TNXB: variants seen among roughly 807,000 people sequenced by gnomAD.
TNXB encodes tenascin XB.
Under a neutral mutation model 340.5 loss-of-function variants are expected in TNXB, and 183 were observed. The observed-to-expected ratio is 0.54, with a 90% CI of 0.48 to 0.61. The LOEUF (loss-of-function observed/expected upper bound fraction) is 0.61, where lower values mean the gene tolerates loss of function less well. Ranked by LOEUF, TNXB falls within the 20% of genes least tolerant of loss-of-function variation. TNXB has a pLI of 0.00. For missense variants in TNXB, 4,613 were observed against 5,446.4 expected (o/e 0.85, Z 4.82); for synonymous variants, 2,121 against 2,314.5 (o/e 0.92, Z 2.40).
rs758269182 is a variant in TNXB at position 32,097,211 on chromosome 6, G to A, written c.642C>T (p.Gly214=). The stretch of plus-strand genomic sequence containing the variant: ...GGCAGTCCCCGGGACAGGATGGCCA[G>A]CCACAGCTGGGGCCAGTGTAGCCGG... ...CFPGYTGPSC[G]WPSCPGDCQG... is the part of the protein sequence containing the mutation. Residue 214 remains glycine, a synonymous_variant, in exon 3 of 44, where the codon GGC becomes GGT. Transcript: ENST00000644971. This position sits in a 1 kb window ranked among gnomAD's most constrained non-coding sequence, Gnocchi z 5.9. The A allele has an allele frequency of 6.3e-7, 1 of 1,598,062 alleles. No homozygotes were observed. The highest frequency in any genetic ancestry group is 8.5e-7 in the Non-Finnish European group (1 of 1,173,038).
At chr6:32,045,811 G>T (rs1441286650) in intron 31 of TNXB, 9 of 1,082,742 alleles carry the variant, frequency 8.3e-6, no homozygotes, top group Non-Finnish European at 9.0e-6. Context: ...TTCCTCTTAA[G>T]AAAATGCTCC....
At chr6:32,053,079 A>G (rs1777396612) in intron 25 of TNXB, 86 bp from the exon 26 acceptor site, 2 of 1,431,652 alleles carry the variant, frequency 1.4e-6, no homozygotes, top group African/African-American at 2.8e-5. Context: ...AGCTGTGGCC[A>G]TGAGTGGGGG....
At chr6:32,063,413 A>G (rs1778150258) in intron 19 of TNXB, among the ~76,000 whole-genome samples, 1 of 152,080 alleles carries the variant, frequency 6.6e-6, no homozygotes, top group African/African-American at 2.4e-5. Flanking sequence ...AGAAAAAAAA[A>G]AAAAAGAAAA....
chr6:32,098,698 T>A (rs1780558715), intron 1 of TNXB, among the ~76,000 whole-genome samples: 1 of 152,206 alleles, frequency 6.6e-6, no homozygotes, highest in Non-Finnish European at 1.5e-5. Flanking sequence ...CAGGCTGGTC[T>A]CAGACTCCTA....
chr6:32,079,190 G>C lies in TNXB; in HGVS notation c.4218C>G (p.Tyr1406Ter). The change falls in exon 11 of 44, where the codon TAC becomes TAG. Residue 1406 changes from tyrosine (Y) to a stop codon, truncating the protein, a stop_gained. Transcript: ENST00000644971. LOFTEE classifies it high-confidence loss of function. This position sits in a 1 kb window ranked among gnomAD's most constrained non-coding sequence, Gnocchi z 7.1. ...CCCGGGGCCGCCCATCCCTGTCCTT[G>C]TACTGCACGGTGAAAGAGTCGAAGC... is the stretch of plus-strand genomic sequence containing the variant. ...QGSFDSFTVQ[Y>*]KDRDGRPRAV... is the part of the protein sequence containing the mutation. 1 of 1,613,888 alleles carries C rather than the reference G, an allele frequency of 6.2e-7. No homozygotes were observed. The highest frequency in any genetic ancestry group is 8.5e-7 in the Non-Finnish European group (1 of 1,179,888).
At position 32,052,604 on chromosome 6, in the gene TNXB, G is replaced by T; in HGVS notation, c.9115+66C>A. On this transcript the variant is annotated intron_variant, in intron 26 of 43. Coordinates refer to ENST00000644971, the MANE Select transcript of TNXB (RefSeq NM_001365276.2). The surrounding 1 kb of genome is among the most constrained non-coding windows in gnomAD (Gnocchi z 4.7). ...ACTCTTCAGAGTATGTTTTCACGAA[G>T]ACTGGAGAGACAGCAGTGTCTTCCA... 1 of 1,572,030 alleles carries T rather than the reference G, an allele frequency of 6.4e-7. No homozygotes were observed.
In TNXB at chr6:32,050,235, C is replaced by T. The variant is rs777978006; in HGVS notation, c.9202G>A (p.Val3068Met). The T allele has an allele frequency of 5.3e-5, 85 of 1,613,568 alleles. No homozygotes were observed. Among genetic ancestry groups the T allele is most frequent in the Middle Eastern group, 1.6e-4 (1 of 6,082 alleles). Residue 3068 changes from valine (V) to methionine (M), a missense_variant, in exon 27 of 44, where the codon GTG becomes ATG. Physicochemically the swap from Val to Met is conservative, Grantham distance 21. Transcript: ENST00000644971. ...PIKPRLGELT[V>M]TDATPDSLSL... ...AGGGAGTCGGGGGTGGCATCTGTCACGGTCAGCTCCCCCAGGCGAGGCTTG... is the reference window on the plus strand; with the variant it reads ...AGGGAGTCGGGGGTGGCATCTGTCATGGTCAGCTCCCCCAGGCGAGGCTTG...
rs1778678254 is a variant in TNXB at position 32,070,177 on chromosome 6, C to T, written c.5228G>A (p.Gly1743Asp). ...AGRKYRFLLY[G>D]LLGKKRHGPL... ...GCCATGGCGCTTCTTGCCCAGGAGG[C>T]CATAGAGGAGGAATCTGTACTTGCG... is the stretch of plus-strand genomic sequence containing the variant. Residue 1743 changes from glycine (G) to aspartate (D), a missense_variant, in exon 14 of 44, where the codon GGC (glycine) becomes GAC (aspartate). Transcript: ENST00000644971. This position sits in a 1 kb window ranked among gnomAD's most constrained non-coding sequence, Gnocchi z 6.0. 6.2e-7 allele frequency: 1 copy of T among 1,607,414 alleles called. No individual in the cohort carries two copies. The highest frequency in any genetic ancestry group is 1.3e-5 in the African/African-American group (1 of 74,850).
rs1779671759 is a variant in TNXB, at chr6:32,084,684, C to T, written c.3174G>A (p.Lys1058=). ...IMDKDEEKPG[K]SSGPPRLGEL... Reference sequence around the variant, plus strand: ...CACCCAGGCGTGGTGGGCCTGAGGACTTCCCAGGCTTCTCCTCATCCTTGT... The same window carrying T: ...CACCCAGGCGTGGTGGGCCTGAGGATTTCCCAGGCTTCTCCTCATCCTTGT... Residue 1058 remains lysine, a synonymous_variant, in exon 8 of 44, where the codon AAG becomes AAA. Transcript: ENST00000644971. This position sits in a 1 kb window ranked among gnomAD's most constrained non-coding sequence, Gnocchi z 5.5. 1.9e-6 allele frequency: 3 copies of T among 1,579,728 alleles called. No individual in the cohort carries two copies. Among genetic ancestry groups the T allele is most frequent in the Non-Finnish European group, 1.7e-6 (2 of 1,158,982 alleles).
chr6:32,046,595 G>T lies in TNXB; in HGVS notation c.10325-139C>A. 1 of 669,622 alleles carries T rather than the reference G, an allele frequency of 1.5e-6. No individual in the cohort carries two copies. The highest frequency in any genetic ancestry group is 2.3e-6 in the Non-Finnish European group (1 of 425,826). The allele number at this position is 669,622 out of a possible 1,614,324, so 41.5% of individuals were successfully genotyped here. A position where few individuals can be genotyped will look rare whatever the true frequency, so the allele number is the denominator to read the frequency against. On this transcript the variant is annotated intron_variant, in intron 30 of 43. Coordinates refer to ENST00000644971, the MANE Select transcript of TNXB (RefSeq NM_001365276.2). This position sits in a 1 kb window ranked among gnomAD's most constrained non-coding sequence, Gnocchi z 6.9. ...GACAGCTCCTTGAGGAGACACACAG[G>T]CCTGCTCCCGCCATGCCCCACAGGA...
At position 32,043,477 on chromosome 6, in the gene TNXB, A is replaced by T. The variant is rs772957662; in HGVS notation, c.11610T>A (p.Asn3870Lys). Residue 3870 changes from asparagine to lysine, a missense_variant, in exon 36 of 44, where the codon AAT becomes AAA. Asn to Lys is a moderately conservative substitution (Grantham distance 94). Around this residue, in one of 7 missense-constraint regions of TNXB, gnomAD observed 114 missense variants for 104.5 expected, o/e 1.09. Coordinates refer to ENST00000644971, the MANE Select transcript of TNXB (RefSeq NM_001365276.2). ...FAVLHWKPPQ[N>K]PVDTYDVQVT... ...CCTGGACGTCATAGGTGTCCACAGGATTCTGGGGGGGCTTCCAGTGCAGCA... is the reference window on the plus strand; with the variant it reads ...CCTGGACGTCATAGGTGTCCACAGGTTTCTGGGGGGGCTTCCAGTGCAGCA... 5.4e-5 allele frequency: 34 copies of T among 632,682 alleles called. No individual in the cohort carries two copies. Among genetic ancestry groups the T allele is most frequent in the Non-Finnish European group, 8.6e-5 (32 of 372,512 alleles). 39.2% of individuals were successfully genotyped at this position (632,682 alleles called of 1,614,324 possible). A position where few individuals can be genotyped will look rare whatever the true frequency, so the allele number is the denominator to read the frequency against.
rs1778239713 is a variant in TNXB at position 32,064,893 on chromosome 6, T to C, written c.6769A>G (p.Lys2257Glu). The change falls in exon 19 of 44, where the codon AAG (lysine) becomes GAG (glutamate). Residue 2257 changes from lysine (K) to glutamate (E), a missense_variant. This residue lies in a region of TNXB where 4,327 missense variants were observed against 4,859.4 expected (regional missense o/e 0.89). Transcript: ENST00000644971. This position sits in a 1 kb window ranked among gnomAD's most constrained non-coding sequence, Gnocchi z 5.3. The part of the protein sequence containing the change: ...VTISGLEPDH[K>E]YKMNLYGFHG... Reference sequence around the variant, plus strand: ...AAGCCGTACAGGTTCATCTTGTACTTGTGGTCTGGCTCCAGGCCCGAGATG... The same window carrying C: ...AAGCCGTACAGGTTCATCTTGTACTCGTGGTCTGGCTCCAGGCCCGAGATG... 1 of 1,612,600 alleles carries C rather than the reference T, an allele frequency of 6.2e-7. No individual in the cohort carries two copies. Among genetic ancestry groups the C allele is most frequent in the Non-Finnish European group, 8.5e-7 (1 of 1,179,864 alleles).
chr6:32,046,401 C>T lies in TNXB; in HGVS notation c.10380G>A (p.Glu3460=). The T allele has an allele frequency of 6.3e-7, 1 of 1,585,230 alleles. No individual in the cohort carries two copies. Among genetic ancestry groups the T allele is most frequent in the Non-Finnish European group, 8.6e-7 (1 of 1,160,876 alleles). ...PHLGELTVAE[E]TSSSLRLSWT... is the part of the protein sequence containing the mutation. ...AGGACAGGCGCAGAGAGCTGGAGGTCTCCTCAGCCACGGTCAGTTCCCCCA... is the reference window on the plus strand; with the variant it reads ...AGGACAGGCGCAGAGAGCTGGAGGTTTCCTCAGCCACGGTCAGTTCCCCCA... Residue 3460 remains glutamate, a synonymous_variant, in exon 31 of 44, where the codon GAG becomes GAA. Coordinates refer to ENST00000644971, the MANE Select transcript of TNXB (RefSeq NM_001365276.2). This position sits in a 1 kb window ranked among gnomAD's most constrained non-coding sequence, Gnocchi z 6.9.
rs1012776649 is a variant in TNXB at position 32,081,618 on chromosome 6, C to T, written c.3792G>A (p.Leu1264=). The T allele has an allele frequency of 1.9e-6, 3 of 1,600,196 alleles. No homozygotes were observed. The African/African-American group carries it at 4.0e-5, about 21-fold the overall frequency. The part of the protein sequence containing the change: ...PRPEFLEQPL[L]GELTVTGVTP... ...TCACGCCGGTCACTGTCAGTTCCCC[C>T]AGGAGGGGCTGCTCCAGGAACTCAG... is the stretch of plus-strand genomic sequence containing the variant. The change falls in exon 10 of 44, where the codon CTG becomes CTA. Residue 1264 remains leucine, a synonymous_variant. Coordinates refer to ENST00000644971, the MANE Select transcript of TNXB (RefSeq NM_001365276.2). This position sits in a 1 kb window ranked among gnomAD's most constrained non-coding sequence, Gnocchi z 5.1.
chr6:32,058,288 C>T lies in TNXB; in HGVS notation c.7595G>A (p.Gly2532Glu). ...EPLLGELTVTGSSPDSLSLSW... is the reference protein window; with the variant it reads ...EPLLGELTVTESSPDSLSLSW... ...AAGGCTCAGCGAGTCAGGGGAGGAT[C>T]CTGTCACTGTCAGCTCCCCCAGGAG... The change falls in exon 22 of 44, where the codon GGA becomes GAA. Residue 2532 changes from glycine (G) to glutamate (E), a missense_variant. Physicochemically the swap from Gly to Glu is moderately conservative, Grantham distance 98 (BLOSUM62 -2). Around this residue, in one of 7 missense-constraint regions of TNXB, gnomAD observed 4,327 missense variants for 4,859.4 expected, o/e 0.89. Transcript: ENST00000644971. This position sits in a 1 kb window ranked among gnomAD's most constrained non-coding sequence, Gnocchi z 5.1. 6.2e-7 allele frequency: 1 copy of T among 1,612,322 alleles called. No individual in the cohort carries two copies. Among genetic ancestry groups the T allele is most frequent in the Non-Finnish European group, 8.5e-7 (1 of 1,179,842 alleles).
intron 4 of TNXB, among the ~76,000 whole-genome samples, chr6:32,094,475 C>A (rs59536155): frequency 6.6e-6 from 1 of 152,202 alleles, no homozygotes; most frequent in South Asian, 2.1e-4. Context: ...AATTGCTATA[C>A]GCCAGCTCTG....
chr6:32,103,871 A>G (rs1278636570), intron 1 of TNXB, among the ~76,000 whole-genome samples: 1 of 151,716 alleles, frequency 6.6e-6, no homozygotes, highest in Non-Finnish European at 1.5e-5. Flanking sequence ...AGCTGGGACT[A>G]CAGGCACCCG....
intron 4 of TNXB, among the ~76,000 whole-genome samples, chr6:32,092,177 C>T (rs1252829368): frequency 2.0e-5 from 3 of 152,178 alleles, no homozygotes; most frequent in Non-Finnish European, 4.4e-5. Flanking sequence ...GGTTACTGGG[C>T]TCTGTGCCCA....
intron 1 of TNXB, among the ~76,000 whole-genome samples, chr6:32,105,762 A>G (rs553368690): frequency 6.6e-6 from 1 of 152,186 alleles, no homozygotes; most frequent in African/African-American, 2.4e-5. Flanking sequence ...AAACTGTTTG[A>G]CAGAATCTAC....
Sources: gnomAD v4.1 joint callset for allele counts (sites outside exome capture counted in the v4.1 genomes callset) on GRCh38, gnomAD v4.1.1 for gene constraint, gnomAD v4.1.1 regional missense constraint, Gnocchi (gnomAD v3.1) non-coding constraint, MANE v1.5 for transcripts, NCBI Gene and HGNC (gene_info 2026-07-23, HGNC 2026-07-21) for gene names.